MPPED1: variants seen among roughly 807,000 people sequenced by gnomAD.
MPPED1 encodes the protein metallophosphoesterase domain-containing protein 1.
Under a neutral mutation model 36.2 loss-of-function variants are expected in MPPED1, and 16 were observed. The ratio of observed to expected loss-of-function variants is 0.44; its 90% CI spans 0.30 to 0.67. The LOEUF is 0.67. Ranked by LOEUF, MPPED1 falls within the 30% of genes least tolerant of loss-of-function variation. MPPED1 has a pLI of 0.10. For synonymous variants in MPPED1, 199 were observed against 191.3 expected (o/e 1.04, Z -0.33); for missense variants, 307 against 453.4 (o/e 0.68, Z 2.93).
intron 3 of MPPED1, among the ~76,000 whole-genome samples, chr22:43,461,234 G>T (rs1930947994): frequency 6.6e-6 from 1 of 152,124 alleles, no homozygotes; most frequent in Admixed American, 6.5e-5. Context: ...GGCTTTATAT[G>T]CCAAATAGTG....
chr22:43,443,666 A>AT lies in MPPED1; in HGVS notation c.406+8452dup, dbSNP rs539364652. Among the ~76,000 whole-genome samples the AT allele has an allele frequency of 1.8e-4, 27 of 151,510 alleles. 1 individual carries two copies. The highest frequency in any genetic ancestry group is 6.1e-4 in the African/African-American group (25 of 40,904). On this transcript the variant is annotated intron_variant, in intron 3 of 6. Coordinates refer to ENST00000443721, the MANE Select transcript of MPPED1 (RefSeq NM_001044370.2). ...CAAATTTTATGATGTGATCACTTTG[A>AT]TAAAAAAAAAGTCCAACCAACTTTT...
chr22:43,439,919 C>T lies in MPPED1; in HGVS notation c.406+4704C>T, dbSNP rs6003197. On this transcript the variant is annotated intron_variant, in intron 3 of 6. Transcript: ENST00000443721. The stretch of plus-strand genomic sequence containing the variant: ...CCCCTTGTGAAGCCTCCCCCAACCC[C>T]GCTGGGCAGAGCTGTTCCCTGCTCC... Among the ~76,000 whole-genome samples the T allele has an allele frequency of 3.8e-3, 579 of 152,388 alleles. 1 individual carries two copies. Among genetic ancestry groups the T allele is most frequent in the Middle Eastern group, 0.017 (5 of 294 alleles).
intron 3 of MPPED1, among the ~76,000 whole-genome samples, chr22:43,435,951 C>T (rs576651481): frequency 8.1e-4 from 123 of 152,316 alleles, no homozygotes; most frequent in South Asian, 3.7e-3. Context: ...AGGTGCTCAG[C>T]TGGTTCATCC....
chr22:43,461,951 A>G (rs1475859528), intron 3 of MPPED1, among the ~76,000 whole-genome samples: 1 of 152,220 alleles, frequency 6.6e-6, no homozygotes, highest in Non-Finnish European at 1.5e-5. Flanking sequence ...TGAAGTTCCC[A>G]TCAGGTGGCA....
chr22:43,443,187 AG>A (rs970359762), intron 3 of MPPED1, among the ~76,000 whole-genome samples: 9 of 152,330 alleles, frequency 5.9e-5, no homozygotes, highest in African/African-American at 2.2e-4. Context: ...TGCACGGAGA[AG>A]GACCCAGCTC....
At chr22:43,498,608 G>T (rs952669796) in intron 5 of MPPED1, among the ~76,000 whole-genome samples, 2 of 152,066 alleles carry the variant, frequency 1.3e-5, no homozygotes. Flanking sequence ...TTTGACAGGT[G>T]GGACCCTGGA....
chr22:43,459,850 G>T (rs1047123117), intron 3 of MPPED1, among the ~76,000 whole-genome samples: 1 of 151,996 alleles, frequency 6.6e-6, no homozygotes, highest in African/African-American at 2.4e-5. Flanking sequence ...TCTATTGACT[G>T]CTCTTTCCCT....
chr22:43,500,319 GTGA>G lies in MPPED1; in HGVS notation c.748+1972_748+1974del, dbSNP rs1409952820. 4.3e-5 allele frequency among the ~76,000 whole-genome samples: 6 copies of G among 140,172 alleles called. No homozygotes were observed. The East Asian group carries it at 6.9e-4, about 16-fold the overall frequency. 92.0% of individuals were successfully genotyped at this position (140,172 alleles called of 152,430 possible). ...GGTGGTGGTGATGGTGATGGAGGTGGTGATGGTGGTGGTGGAGGTGGTGGTGGT... is the reference window on the plus strand; with the variant it reads ...GGTGGTGGTGATGGTGATGGAGGTGGTGGTGGTGGTGGAGGTGGTGGTGGT... On this transcript the variant is annotated intron_variant, in intron 5 of 6. Transcript: ENST00000443721.
intron 4 of MPPED1, among the ~76,000 whole-genome samples, chr22:43,495,507 T>TGATGGA (rs1932261444): frequency 1.6e-5 from 1 of 61,426 alleles, no homozygotes; most frequent in Non-Finnish European, 3.1e-5. Context: ...GTGGTGGAGG[T>TGATGGA]GGTGGTGGTG....
At chr22:43,420,277 C>T (rs979754903) in intron 1 of MPPED1, among the ~76,000 whole-genome samples, 5 of 152,306 alleles carry the variant, frequency 3.3e-5, no homozygotes, top group South Asian at 2.1e-4. Context: ...CCCATGACAA[C>T]GAAAGAGTGA....
chr22:43,428,999 A>T (rs752101418), intron 2 of MPPED1, among the ~76,000 whole-genome samples: 10 of 151,994 alleles, frequency 6.6e-5, no homozygotes, highest in Non-Finnish European at 1.2e-4. Context: ...CTCCTCTCTG[A>T]CCTTTAAAAG....
chr22:43,503,188 A>G lies in MPPED1; in HGVS notation c.862+431A>G, dbSNP rs117672612. ...GGGCCTGGCATACAATAGGTGCTTA[A>G]TAAGTGTGGAGGGACTACCTGTGAT... On this transcript the variant is annotated intron_variant, in intron 6 of 6. Transcript: ENST00000443721. 4.7e-4 allele frequency among the ~76,000 whole-genome samples: 72 copies of G among 152,300 alleles called. No homozygotes were observed. In the Middle Eastern group the frequency reaches 0.021, roughly 43 times the overall value.
Position 43,474,145 on chromosome 22 carries a change from A to G in MPPED1, c.407-591A>G, listed in dbSNP as rs1235663788. Among the ~76,000 whole-genome samples, 2 of 152,224 alleles carry G rather than the reference A, an allele frequency of 1.3e-5. No homozygotes were observed. The highest frequency in any genetic ancestry group is 2.9e-5 in the Non-Finnish European group (2 of 68,044). On this transcript the variant is annotated intron_variant, in intron 3 of 6. Coordinates refer to ENST00000443721, the MANE Select transcript of MPPED1 (RefSeq NM_001044370.2). The surrounding 1 kb of genome is among the most constrained non-coding windows in gnomAD (Gnocchi z 5.2). ...TTGGAAAGTGGAGGATAAAGAGTCCAAGATACCCAGGGGGTGGGGGCCTGG... is the reference window on the plus strand; with the variant it reads ...TTGGAAAGTGGAGGATAAAGAGTCCGAGATACCCAGGGGGTGGGGGCCTGG...
At chr22:43,431,104 C>T (rs985367256) in intron 2 of MPPED1, among the ~76,000 whole-genome samples, 15 of 128,134 alleles carry the variant, frequency 1.2e-4, no homozygotes, top group African/African-American at 4.2e-4. Flanking sequence ...TGCAGTGGTG[C>T]GATCTCAGCT....
intron 3 of MPPED1, among the ~76,000 whole-genome samples, chr22:43,459,281 A>C (rs535880304): frequency 1.3e-5 from 2 of 152,278 alleles, no homozygotes; most frequent in South Asian, 2.1e-4. Flanking sequence ...GGGTTTTGCC[A>C]TGATGGGGTA....
chr22:43,505,739 C>G lies in MPPED1; in HGVS notation c.*123C>G. On this transcript the variant is annotated 3_prime_UTR_variant, in exon 7 of 7. Coordinates refer to ENST00000443721, the MANE Select transcript of MPPED1 (RefSeq NM_001044370.2). ...TGGCTGCGGGGACTGGCCTAGCAGG[C>G]AGGTCAGGGCCTTGGAACGACTCTT... 1 of 791,664 alleles carries G rather than the reference C, an allele frequency of 1.3e-6. No homozygotes were observed. 49.0% of individuals were successfully genotyped at this position (791,664 alleles called of 1,614,324 possible).
At chr22:43,431,021 ATTTTTTTTTTTTTTTT>A (rs135076) in intron 2 of MPPED1, among the ~76,000 whole-genome samples, 39 of 42,304 alleles carry the variant, frequency 9.2e-4, no homozygotes, top group Middle Eastern at 0.022. Context: ...GTTGTTGTTA[ATTTTTTTTTTTTTTTT>A]TTTTTTTTTT....
intron 3 of MPPED1, among the ~76,000 whole-genome samples, chr22:43,442,644 T>G (rs892694526): frequency 6.6e-6 from 1 of 152,208 alleles, no homozygotes; most frequent in Non-Finnish European, 1.5e-5. Context: ...ATGCTGGCTC[T>G]GTCAGGACTG....
chr22:43,504,355 A>G (rs1467070499), intron 6 of MPPED1, among the ~76,000 whole-genome samples: 1 of 151,976 alleles, frequency 6.6e-6, no homozygotes, highest in Non-Finnish European at 1.5e-5. Flanking sequence ...ATCAATGATG[A>G]CAATGATGAT....
Sources: allele counts gnomAD v4.1 joint callset (sites outside exome capture counted in the v4.1 genomes callset), GRCh38; gene constraint gnomAD v4.1.1; non-coding constraint Gnocchi (gnomAD v3.1); transcripts MANE v1.5; gene names NCBI Gene and HGNC (gene_info 2026-07-23, HGNC 2026-07-21).